The following WDR7 variants were observed in gnomAD, a reference collection of about 807,000 sequenced individuals.
WDR7 encodes the protein WD repeat domain 7.
In WDR7, 46 loss-of-function variants were observed where a neutral mutation model predicts 169.4. That is an observed-to-expected ratio of 0.27 (90% CI 0.21 to 0.35). The LOEUF (loss-of-function observed/expected upper bound fraction) is 0.35. Among genes scored for constraint, WDR7 ranks in the 10% least tolerant of loss-of-function variants. The pLI is 1.00. For missense variants in WDR7, 1,534 were observed against 1,859.3 expected (o/e 0.83, Z 3.22); for synonymous variants, 612 against 666.8 (o/e 0.92, Z 1.27).
At chr18:56,754,273 G>A (rs866017646) in intron 14 of WDR7, among the ~76,000 whole-genome samples, 1 of 146,878 alleles carries the variant, frequency 6.8e-6, no homozygotes, top group African/African-American at 2.5e-5. Flanking sequence ...GTGTGTGTGT[G>A]TGTGTGTGTG....
chr18:56,992,608 C>G (rs189339445), intron 26 of WDR7, among the ~76,000 whole-genome samples: 1 of 152,138 alleles, frequency 6.6e-6, no homozygotes, highest in Non-Finnish European at 1.5e-5. Context: ...TAGGGCCACA[C>G]GGAACATATA....
At chr18:56,774,065 C>T in intron 16 of WDR7, among the ~76,000 whole-genome samples, 1 of 151,620 alleles carries the variant, frequency 6.6e-6, no homozygotes, top group Admixed American at 6.6e-5. Flanking sequence ...AAATTTTTTT[C>T]TCTGAAAAAT....
chr18:56,672,384 T>A, intron 1 of WDR7, 113 bp from the exon 2 acceptor site: 21 of 625,890 alleles, frequency 3.4e-5, no homozygotes, highest in East Asian at 9.0e-5. Context: ...GTAGCTGTAA[T>A]TCACTCCCAG....
rs548013558 is a variant in WDR7, at chr18:56,855,868, C to T, written c.3305-24076C>T. ...GAAAACCACTGCCTTTCCACTTGTG[C>T]ACCTGTTTCTATAAAACTCACTGCT... On this transcript the variant is annotated intron_variant, in intron 20 of 27. Coordinates refer to ENST00000254442, the MANE Select transcript of WDR7 (RefSeq NM_015285.3). 2.0e-5 allele frequency among the ~76,000 whole-genome samples: 3 copies of T among 152,258 alleles called. No individual in the cohort carries two copies. In the East Asian group the frequency reaches 5.8e-4, roughly 29 times the overall value.
chr18:56,996,266 C>CT (rs1599230774), intron 26 of WDR7, among the ~76,000 whole-genome samples: 1 of 151,502 alleles, frequency 6.6e-6, no homozygotes, highest in Non-Finnish European at 1.5e-5. Flanking sequence ...TTTCTTTTTT[C>CT]TTTTTTAGGT....
intron 19 of WDR7, 80 bp downstream of exon 19, chr18:56,781,736 C>T: frequency 1.5e-6 from 2 of 1,313,760 alleles, no homozygotes; most frequent in South Asian, 2.6e-5. Context: ...ATATATGCTA[C>T]TACCCATCAA....
chr18:56,738,740 A>G (rs777975894), intron 14 of WDR7, among the ~76,000 whole-genome samples: 10 of 150,852 alleles, frequency 6.6e-5, no homozygotes, highest in Non-Finnish European at 1.2e-4. Flanking sequence ...TTGGCATATT[A>G]AAATATGGAC....
At chr18:56,686,358 G>A (rs907254858) in intron 6 of WDR7, among the ~76,000 whole-genome samples, 1 of 151,910 alleles carries the variant, frequency 6.6e-6, no homozygotes, top group Non-Finnish European at 1.5e-5. Flanking sequence ...AAAAAATAAA[G>A]CAAATCACCA....
chr18:56,811,163 A>G (rs1470362587), intron 19 of WDR7, among the ~76,000 whole-genome samples: 1 of 152,204 alleles, frequency 6.6e-6, no homozygotes, highest in Non-Finnish European at 1.5e-5. Context: ...GTATGAATTT[A>G]TCATTTATTC....
downstream of WDR7, chr18:57,031,633 T>A (rs2048442161): frequency 1.3e-5 from 2 of 152,212 alleles, no homozygotes; most frequent in African/African-American, 2.4e-5. Context: ...CATTAATAAA[T>A]CCCGTTCTAT....
At chr18:56,734,042 C>T (rs1568164722) in intron 14 of WDR7, among the ~76,000 whole-genome samples, 1 of 151,802 alleles carries the variant, frequency 6.6e-6, no homozygotes, top group Non-Finnish European at 1.5e-5. Flanking sequence ...TGTCTTAAGA[C>T]CCCTGCATTG....
At chr18:56,826,075 G>T (rs563217301) in intron 20 of WDR7, among the ~76,000 whole-genome samples, 59 of 152,222 alleles carry the variant, frequency 3.9e-4, no homozygotes, top group Non-Finnish European at 6.6e-4. Context: ...GCAGGTGGGT[G>T]GTAGAGGGAA....
Position 56,681,333 on chromosome 18 carries a change from T to A in WDR7, c.287T>A (p.Val96Glu), listed in dbSNP as rs1238257573. Residue 96 changes from valine to glutamate, a missense_variant, in exon 4 of 28, where the codon GTG becomes GAG. Val to Glu is a moderately radical substitution (Grantham distance 121). Transcript: ENST00000254442. ...TATAGAGAGATGTGCCTCTGGGATG[T>A]GAGTGATGGCAGATGTATTGAATTT... Reference protein sequence around the residue: ...SESGEMCLWDVSDGRCIEFTK... With the variant: ...SESGEMCLWDESDGRCIEFTK... 1 of 1,595,736 alleles carries A rather than the reference T, an allele frequency of 6.3e-7. No homozygotes were observed. Among genetic ancestry groups the A allele is most frequent in the African/African-American group, 1.4e-5 (1 of 73,864 alleles).
At chr18:56,694,413 G>A (rs2025650806) in intron 9 of WDR7, among the ~76,000 whole-genome samples, 1 of 152,102 alleles carries the variant, frequency 6.6e-6, no homozygotes, top group Non-Finnish European at 1.5e-5. Flanking sequence ...TTCAATGTGT[G>A]TGTTATACTA....
At chr18:56,825,855 C>G (rs946923273) in intron 20 of WDR7, among the ~76,000 whole-genome samples, 91 of 152,096 alleles carry the variant, frequency 6.0e-4, no homozygotes, top group African/African-American at 2.2e-3. Context: ...TATGTATTGT[C>G]TAGATAAACT....
At chr18:57,020,572 A>G (rs975163879) in intron 26 of WDR7, among the ~76,000 whole-genome samples, 173 bp from the exon 27 acceptor site, 1 of 152,244 alleles carries the variant, frequency 6.6e-6, no homozygotes, top group Non-Finnish European at 1.5e-5. Flanking sequence ...AGTTCCCTCA[A>G]TGAGAGAACG....
At chr18:56,691,676 C>T (rs1321528776) in intron 8 of WDR7, 39 bp from the exon 9 acceptor site, 9 of 1,524,690 alleles carry the variant, frequency 5.9e-6, no homozygotes, top group Admixed American at 1.9e-5. Context: ...TATTTAATGT[C>T]AGTATTTTAA....
chr18:56,872,745 T>G (rs2045970603), intron 20 of WDR7: 1 of 152,132 alleles, frequency 6.6e-6, no homozygotes, highest in Non-Finnish European at 1.5e-5. Flanking sequence ...AACCGTCCTG[T>G]CAAGAAAATG....
chr18:56,746,070 T>C (rs549284490), intron 14 of WDR7, among the ~76,000 whole-genome samples: 14 of 152,318 alleles, frequency 9.2e-5, no homozygotes, highest in African/African-American at 2.9e-4. Flanking sequence ...TTGCAGGCCC[T>C]AAAATTAACC....
Sources: allele counts gnomAD v4.1 joint callset (sites outside exome capture counted in the v4.1 genomes callset), GRCh38; gene constraint gnomAD v4.1.1; transcripts MANE v1.5; gene names NCBI Gene and HGNC (gene_info 2026-07-23, HGNC 2026-07-21).